The following DCUN1D3 variants were observed in gnomAD, a reference collection of about 807,000 sequenced individuals.
The protein encoded by DCUN1D3 is defective in cullin neddylation 1 domain containing 3.
Under a neutral mutation model 24.8 loss-of-function variants are expected in DCUN1D3, and 6 were observed. The ratio of observed to expected loss-of-function variants is 0.24; its 90% CI spans 0.13 to 0.48. The LOEUF (loss-of-function observed/expected upper bound fraction) is 0.48. Among genes scored for constraint, DCUN1D3 ranks in the 20% least tolerant of loss-of-function variants. The pLI is 0.99. For missense variants in DCUN1D3, 258 were observed against 379.4 expected, an observed-to-expected ratio of 0.68 and a Z score of 2.66; for synonymous variants, 120 against 144.9, an observed-to-expected ratio of 0.83 and a Z score of 1.24.
At chr16:20,898,321 A>T (rs2081928329) in intron 1 of DCUN1D3, among the ~76,000 whole-genome samples, 1 of 152,154 alleles carries the variant, frequency 6.6e-6, no homozygotes, top group African/African-American at 2.4e-5. Flanking sequence ...TCAGCGCTTG[A>T]TCAAAATCTG....
At chr16:20,870,016 T>C (rs1349223150) in intron 1 of DCUN1D3, among the ~76,000 whole-genome samples, 2 of 152,128 alleles carry the variant, frequency 1.3e-5, no homozygotes, top group Non-Finnish European at 2.9e-5. Context: ...ACCAAGTCAA[T>C]AGGAACAGAA....
At chr16:20,894,225 T>C (rs1012591612) in intron 1 of DCUN1D3, among the ~76,000 whole-genome samples, 8 of 152,148 alleles carry the variant, frequency 5.3e-5, no homozygotes, top group African/African-American at 1.9e-4. Context: ...GCCTTGATCA[T>C]GCCACTGCAT....
In DCUN1D3 at chr16:20,858,345, G is replaced by A. The variant is rs1188922961; in HGVS notation, c.*1541C>T. On this transcript the variant is annotated 3_prime_UTR_variant, in exon 3 of 3. Coordinates refer to ENST00000324344, the MANE Select transcript of DCUN1D3 (RefSeq NM_173475.4). ...GGAACCGGGGCCCTCCCTCTTGTGA[G>A]GAAAGGGCTGAGCAAACTCATGTTC... The A allele has an allele frequency of 6.6e-6, 1 of 152,580 alleles. No individual in the cohort carries two copies. The highest frequency in any genetic ancestry group is 2.4e-5 in the African/African-American group (1 of 41,444). The allele number at this position is 152,580 out of a possible 1,614,324, so 9.5% of individuals were successfully genotyped here. A position where few individuals can be genotyped will look rare whatever the true frequency, so the allele number is the denominator to read the frequency against.
intron 2 of DCUN1D3, among the ~76,000 whole-genome samples, chr16:20,861,588 A>G (rs1324735303): frequency 6.6e-6 from 1 of 152,176 alleles, no homozygotes; most frequent in Non-Finnish European, 1.5e-5. Flanking sequence ...GAAAGGTCCA[A>G]GACAGCAGTG....
intron 1 of DCUN1D3, among the ~76,000 whole-genome samples, chr16:20,895,682 A>C (rs564939898): frequency 6.6e-6 from 1 of 152,326 alleles, no homozygotes; most frequent in African/African-American, 2.4e-5. Flanking sequence ...TCACCACCCA[A>C]AAGAATAGGA....
chr16:20,875,200 G>A lies in DCUN1D3; in HGVS notation c.-105-12557C>T, dbSNP rs535045486. The stretch of plus-strand genomic sequence containing the variant: ...CAACTATGGCCCCAGAATAAACTGC[G>A]TGCGCTCATGCACACACACACACAC... On this transcript the variant is annotated intron_variant, in intron 1 of 2. Coordinates refer to ENST00000324344, the MANE Select transcript of DCUN1D3 (RefSeq NM_173475.4). Among the ~76,000 whole-genome samples the A allele has an allele frequency of 6.8e-5, 10 of 147,184 alleles. No individual in the cohort carries two copies. In the South Asian group the frequency reaches 8.7e-4, roughly 13 times the overall value.
chr16:20,875,103 T>TA (rs933992306), intron 1 of DCUN1D3, among the ~76,000 whole-genome samples: 1 of 151,840 alleles, frequency 6.6e-6, no homozygotes, highest in Non-Finnish European at 1.5e-5. Context: ...AGAAACAACA[T>TA]AAAAAATTTA....
chr16:20,893,172 C>CT (rs574352951), intron 1 of DCUN1D3, among the ~76,000 whole-genome samples: 3,274 of 144,232 alleles, frequency 0.023, 34 homozygotes, highest in South Asian at 0.045. Flanking sequence ...ATTTACTCAT[C>CT]TTTTTTTTTT....
At chr16:20,885,442 G>A (rs573302485) in intron 1 of DCUN1D3, among the ~76,000 whole-genome samples, 3 of 151,694 alleles carry the variant, frequency 2.0e-5, no homozygotes, top group South Asian at 4.2e-4. Flanking sequence ...TGTTAACTCA[G>A]AACAAGATCA....
intron 1 of DCUN1D3, among the ~76,000 whole-genome samples, chr16:20,897,861 T>C (rs919110184): frequency 6.6e-6 from 1 of 152,186 alleles, no homozygotes; most frequent in Non-Finnish European, 1.5e-5. Context: ...TTTATTATGA[T>C]AGTCCAACAG....
chr16:20,875,529 T>C (rs1463977120), intron 1 of DCUN1D3, among the ~76,000 whole-genome samples: 1 of 152,210 alleles, frequency 6.6e-6, no homozygotes, highest in East Asian at 1.9e-4. Context: ...GTCTTCTCAG[T>C]TGAAAACGGG....
Position 20,900,322 on chromosome 16 carries a change from CT to C in DCUN1D3, c.-225del, listed in dbSNP as rs2081974973. ...GGCTCCCTACCCCCGCCGCCGCCGC[CT>C]CTTCTTCCACCACTGCCACCGCCTC... is the stretch of plus-strand genomic sequence containing the variant. On this transcript the variant is annotated 5_prime_UTR_variant, in exon 1 of 3. It removes the in-frame stop codon of an upstream open reading frame in the 5' UTR. Coordinates refer to ENST00000324344, the MANE Select transcript of DCUN1D3 (RefSeq NM_173475.4). 6.6e-6 allele frequency: 1 copy of C among 152,094 alleles called. No individual in the cohort carries two copies. Among genetic ancestry groups the C allele is most frequent in the Admixed American group, 6.6e-5 (1 of 15,264 alleles). 9.4% of individuals were successfully genotyped at this position (152,094 alleles called of 1,614,324 possible).
At chr16:20,872,858 C>G (rs1156550992) in intron 1 of DCUN1D3, among the ~76,000 whole-genome samples, 1 of 152,254 alleles carries the variant, frequency 6.6e-6, no homozygotes, top group Non-Finnish European at 1.5e-5. Context: ...TGGCTCACGC[C>G]TGCAATCCCA....
intron 1 of DCUN1D3, among the ~76,000 whole-genome samples, chr16:20,886,247 C>A (rs2081867841): frequency 6.6e-6 from 1 of 152,096 alleles, no homozygotes. Flanking sequence ...GAAATCGGGA[C>A]CTGCTCAGCA....
chr16:20,894,786 T>C (rs2152519312), intron 1 of DCUN1D3, among the ~76,000 whole-genome samples: 1 of 152,350 alleles, frequency 6.6e-6, no homozygotes, highest in South Asian at 2.1e-4. Flanking sequence ...TAAGCTTCCC[T>C]GTTCTGATGT....
In DCUN1D3 at chr16:20,887,918, T is replaced by C. The variant is rs549653917; in HGVS notation, c.-106+12286A>G. Among the ~76,000 whole-genome samples the C allele has an allele frequency of 2.0e-5, 3 of 152,338 alleles. No individual in the cohort carries two copies. In the East Asian group the frequency reaches 5.8e-4, roughly 29 times the overall value. Reference sequence around the variant, plus strand: ...GCCCCTGTCCCCACTGCTAGACTTATACAGGCTCCATAGGGTTTCAGGAGG... The same window carrying C: ...GCCCCTGTCCCCACTGCTAGACTTACACAGGCTCCATAGGGTTTCAGGAGG... On this transcript the variant is annotated intron_variant, in intron 1 of 2. Coordinates refer to ENST00000324344, the MANE Select transcript of DCUN1D3 (RefSeq NM_173475.4).
chr16:20,873,114 C>G (rs914695797), intron 1 of DCUN1D3, among the ~76,000 whole-genome samples: 1 of 144,854 alleles, frequency 6.9e-6, no homozygotes, highest in Non-Finnish European at 1.5e-5. Context: ...GAGCGAGACT[C>G]TGTCTCAAAA....
chr16:20,862,112 T>G lies in DCUN1D3; in HGVS notation c.427A>C (p.Thr143Pro). The G allele has an allele frequency of 6.2e-7, 1 of 1,613,982 alleles. No individual in the cohort carries two copies. Residue 143 changes from threonine (T) to proline (P), a missense_variant, in exon 2 of 3, where the codon ACC (threonine) becomes CCC (proline). By Grantham distance (38) the Thr-to-Pro change is conservative (BLOSUM62 -1). Coordinates refer to ENST00000324344, the MANE Select transcript of DCUN1D3 (RefSeq NM_173475.4). ...CATAAAGTGTTTGTGACTAACCTGGTGAATTTGCACATGGTTGCAGCCTGG... is the reference window on the plus strand; with the variant it reads ...CATAAAGTGTTTGTGACTAACCTGGGGAATTTGCACATGGTTGCAGCCTGG... ...KFQAATMCKF[T>P]RKEFFDGCKA...
At chr16:20,864,920 C>T (rs116160901) in intron 1 of DCUN1D3, among the ~76,000 whole-genome samples, 122 of 152,200 alleles carry the variant, frequency 8.0e-4, no homozygotes, top group African/African-American at 2.7e-3. Context: ...TTATAAAGTG[C>T]GAGCTAAATG....
Sources: allele counts gnomAD v4.1 joint callset (sites outside exome capture counted in the v4.1 genomes callset), GRCh38; gene constraint gnomAD v4.1.1; transcripts MANE v1.5; gene names NCBI Gene and HGNC (gene_info 2026-07-23, HGNC 2026-07-21).